Variants in SREBF2 observed in about 807,000 individuals in gnomAD.
The protein encoded by SREBF2 is sterol regulatory element-binding protein 2.
In SREBF2, 55 loss-of-function variants were observed where a neutral mutation model predicts 113.1. The observed-to-expected ratio is 0.49, with a 90% CI of 0.39 to 0.61. The LOEUF is 0.61. Among genes scored for constraint, SREBF2 ranks in the 20% least tolerant of loss-of-function variants. SREBF2 has a pLI of 0.00. For missense variants in SREBF2, 1,349 were observed against 1,487.4 expected, an observed-to-expected ratio of 0.91 and a Z score of 1.53; for synonymous variants, 593 against 605.7, an observed-to-expected ratio of 0.98 and a Z score of 0.31.
At chr22:41,867,872 A>C (rs1169442337) in intron 2 of SREBF2, among the ~76,000 whole-genome samples, 1 of 152,166 alleles carries the variant, frequency 6.6e-6, no homozygotes, top group Non-Finnish European at 1.5e-5. Context: ...CTAGTGGTGG[A>C]GACTTGAATA....
In SREBF2 at chr22:41,875,360, G is replaced by A. The variant is rs1377099008; in HGVS notation, c.1113G>A (p.Arg371=). Residue 371 remains arginine (R), a synonymous_variant, in exon 6 of 19, where the codon AGG becomes AGA. Coordinates refer to ENST00000361204, the MANE Select transcript of SREBF2 (RefSeq NM_004599.4). ...AGATGCACAAGTCTGGCGTTCTGAG[G>A]AAGGCCATTGATTACATCAAATACT... The part of the protein sequence containing the change: ...DAKMHKSGVL[R]KAIDYIKYLQ... The A allele has an allele frequency of 6.2e-7, 1 of 1,614,064 alleles. No homozygotes were observed. The highest frequency in any genetic ancestry group is 8.5e-7 in the Non-Finnish European group (1 of 1,179,912).
At chr22:41,845,062 C>A (rs1403533224) in intron 1 of SREBF2, among the ~76,000 whole-genome samples, 1 of 151,606 alleles carries the variant, frequency 6.6e-6, no homozygotes, top group Non-Finnish European at 1.5e-5. Flanking sequence ...TCCCGAGTAG[C>A]TGGGATTACA....
intron 1 of SREBF2, among the ~76,000 whole-genome samples, chr22:41,845,556 G>A (rs1192038774): frequency 6.6e-6 from 1 of 152,210 alleles, no homozygotes. Flanking sequence ...TGCTTTCAGG[G>A]AGCTAACATG....
chr22:41,863,663 A>G (rs1478657581), intron 1 of SREBF2, among the ~76,000 whole-genome samples: 1 of 152,168 alleles, frequency 6.6e-6, no homozygotes, highest in Non-Finnish European at 1.5e-5. Context: ...TCCCTCGCAC[A>G]AGGCTGAGTG....
At position 41,833,419 on chromosome 22, in the gene SREBF2, C is replaced by A; in HGVS notation, c.88+61C>A. On this transcript the variant is annotated intron_variant, in intron 1 of 18. Transcript: ENST00000361204. The surrounding 1 kb of genome is among the most constrained non-coding windows in gnomAD (Gnocchi z 4.1). ...CGGGGAGGAAGGGGTTACGGCGGCG[C>A]GCCCGGGTGCGCGTGCGCCCACCCC... The A allele has an allele frequency of 7.0e-7, 1 of 1,434,792 alleles. No homozygotes were observed. Among genetic ancestry groups the A allele is most frequent in the Non-Finnish European group, 9.4e-7 (1 of 1,061,242 alleles). The allele number at this position is 1,434,792 out of a possible 1,614,324, so 88.9% of individuals were successfully genotyped here. A position where few individuals can be genotyped will look rare whatever the true frequency, so the allele number is the denominator to read the frequency against.
rs1015824240 is a variant in SREBF2 at position 41,863,230 on chromosome 22, A to G, written c.89-3601A>G. 9.9e-5 allele frequency among the ~76,000 whole-genome samples: 15 copies of G among 152,228 alleles called. 1 individual carries two copies. The highest frequency in any genetic ancestry group is 6.5e-4 in the Admixed American group (10 of 15,276). On this transcript the variant is annotated intron_variant, in intron 1 of 18. Coordinates refer to ENST00000361204, the MANE Select transcript of SREBF2 (RefSeq NM_004599.4). ...GTGAGGAAACCAAGGCTTAAAGAGA[A>G]GTATCTTGCCCACGCTCACACCACT...
rs2077109737 is a variant in SREBF2 at position 41,868,634 on chromosome 22, C to G, written c.562C>G (p.Leu188Val). 1.9e-6 allele frequency: 3 copies of G among 1,614,224 alleles called. No homozygotes were observed. Among genetic ancestry groups the G allele is most frequent in the Non-Finnish European group, 1.7e-6 (2 of 1,180,050 alleles). ...AGTCCTTCAGCCTCAAGTCCAAAGCCTGGTGACATCCTCCCAGGTACAGCC... is the reference window on the plus strand; with the variant it reads ...AGTCCTTCAGCCTCAAGTCCAAAGCGTGGTGACATCCTCCCAGGTACAGCC... ...FQVLQPQVQS[L>V]VTSSQVQPVT... Residue 188 changes from leucine (L) to valine (V), a missense_variant, in exon 3 of 19, where the codon CTG (leucine) becomes GTG (valine). Around this residue, in one of 2 missense-constraint regions of SREBF2, gnomAD observed 699 missense variants for 843.3 expected, o/e 0.83. Transcript: ENST00000361204.
At chr22:41,896,171 A>G (rs1380140995) in intron 13 of SREBF2, among the ~76,000 whole-genome samples, 2 of 151,688 alleles carry the variant, frequency 1.3e-5, no homozygotes, top group Non-Finnish European at 2.9e-5. Flanking sequence ...GATGGGAATG[A>G]AATGTGACGA....
intron 4 of SREBF2, chr22:41,873,593 G>A: frequency 1.7e-6 from 1 of 604,276 alleles, no homozygotes; most frequent in Admixed American, 2.8e-5. Flanking sequence ...TATCAGCAGT[G>A]ATTCTTGAAG....
chr22:41,856,799 G>A (rs908040182), intron 1 of SREBF2, among the ~76,000 whole-genome samples: 11 of 152,188 alleles, frequency 7.2e-5, no homozygotes, highest in Admixed American at 7.2e-4. Flanking sequence ...TAAGGGCCGG[G>A]CACGGTGGCT....
At chr22:41,868,524 A>C in intron 2 of SREBF2, 87 bp from the exon 3 acceptor site, 1 of 1,450,370 alleles carries the variant, frequency 6.9e-7, no homozygotes, top group South Asian at 1.2e-5. Flanking sequence ...AATCATTATG[A>C]GATACTCCAT....
intron 1 of SREBF2, among the ~76,000 whole-genome samples, chr22:41,866,001 G>A (rs1327331663): frequency 1.3e-5 from 2 of 152,156 alleles, no homozygotes; most frequent in African/African-American, 4.8e-5. Flanking sequence ...CAGTGCCCAG[G>A]GTTTTACTCA....
At chr22:41,891,799 A>G (rs1354959398) in intron 11 of SREBF2, among the ~76,000 whole-genome samples, 1 of 152,116 alleles carries the variant, frequency 6.6e-6, no homozygotes, top group Non-Finnish European at 1.5e-5. Flanking sequence ...TTCTGTCCTC[A>G]GTTCCTCACT....
chr22:41,885,866 AGG>A (rs1449671940), intron 11 of SREBF2: 1 of 152,308 alleles, frequency 6.6e-6, no homozygotes, highest in African/African-American at 2.4e-5. Flanking sequence ...ATATTTCCTG[AGG>A]TACATCACGA....
intron 1 of SREBF2, among the ~76,000 whole-genome samples, chr22:41,835,861 G>A (rs548616696): frequency 1.5e-4 from 23 of 152,092 alleles, no homozygotes; most frequent in South Asian, 1.5e-3. Context: ...CCAGGCACAT[G>A]CAGTCCTCCT....
chr22:41,878,099 A>G lies in SREBF2; in HGVS notation c.1737A>G (p.Lys579=). Residue 579 remains lysine (K), a synonymous_variant, in exon 9 of 19, where the codon AAA becomes AAG. Transcript: ENST00000361204. The stretch of plus-strand genomic sequence containing the variant: ...CGGTCACCTTCTGGAGGCACCGGAA[A>G]CAGGCAGATCTGGATCTCGCCAGAG... The part of the protein sequence containing the change: ...RSSVTFWRHR[K]QADLDLARGD... The G allele has an allele frequency of 6.2e-7, 1 of 1,614,178 alleles. No homozygotes were observed. The highest frequency in any genetic ancestry group is 1.3e-5 in the African/African-American group (1 of 75,062).
chr22:41,905,753 T>A lies in SREBF2; in HGVS notation c.*93T>A. 1 of 1,383,596 alleles carries A rather than the reference T, an allele frequency of 7.2e-7. No individual in the cohort carries two copies. The highest frequency in any genetic ancestry group is 1.2e-5 in the South Asian group (1 of 80,094). 85.7% of individuals were successfully genotyped at this position (1,383,596 alleles called of 1,614,324 possible). A position where few individuals can be genotyped will look rare whatever the true frequency, so the allele number is the denominator to read the frequency against. ...CTGAGAGTGGTGGGGAAGAGCCTTGTCTTCTTAGCTGTCACCTGCCGAGGC... is the reference window on the plus strand; with the variant it reads ...CTGAGAGTGGTGGGGAAGAGCCTTGACTTCTTAGCTGTCACCTGCCGAGGC... On this transcript the variant is annotated 3_prime_UTR_variant, in exon 19 of 19. Transcript: ENST00000361204.
rs1222352655 is a variant in SREBF2, at chr22:41,873,928, C to T, written c.998C>T (p.Thr333Ile). Residue 333 changes from threonine to isoleucine, a missense_variant, in exon 5 of 19, where the codon ACA (threonine) becomes ATA (isoleucine). Around this residue, in one of 2 missense-constraint regions of SREBF2, gnomAD observed 699 missense variants for 843.3 expected, o/e 0.83. Transcript: ENST00000361204. Reference sequence around the variant, plus strand: ...CCCCCCAAAGAAGGAGAAAGGCGGACAACCCATAATATCATTGAGAAACGA... The same window carrying T: ...CCCCCCAAAGAAGGAGAAAGGCGGATAACCCATAATATCATTGAGAAACGA... ...LEPPKEGERR[T>I]THNIIEKRYR... The T allele has an allele frequency of 6.2e-7, 1 of 1,614,038 alleles. No individual in the cohort carries two copies. Among genetic ancestry groups the T allele is most frequent in the African/African-American group, 1.3e-5 (1 of 74,924 alleles).
At chr22:41,845,767 C>G (rs2076871850) in intron 1 of SREBF2, among the ~76,000 whole-genome samples, 1 of 152,144 alleles carries the variant, frequency 6.6e-6, no homozygotes, top group Admixed American at 6.6e-5. Context: ...TAGATTTAGA[C>G]AAAGTTGGGA....
Sources: allele counts gnomAD v4.1 joint callset (sites outside exome capture counted in the v4.1 genomes callset), GRCh38; gene constraint gnomAD v4.1.1; regional missense constraint gnomAD v4.1.1; non-coding constraint Gnocchi (gnomAD v3.1); transcripts MANE v1.5; gene names NCBI Gene and HGNC (gene_info 2026-07-23, HGNC 2026-07-21).